PHACTR3: variants seen among roughly 807,000 people sequenced by gnomAD.
PHACTR3 encodes protein phosphatase 1, regulatory subunit 123.
PHACTR3 carries 16 observed loss-of-function variants against 66.8 expected under a neutral mutation model. The observed-to-expected ratio is 0.24, with a 90% CI of 0.16 to 0.36. The LOEUF (loss-of-function observed/expected upper bound fraction) is 0.36, where lower values mean the gene tolerates loss of function less well. Among genes scored for constraint, PHACTR3 ranks in the 10% least tolerant of loss-of-function variants. The pLI is 1.00. For missense variants in PHACTR3, 647 were observed against 719.9 expected (o/e 0.90, Z 1.16); for synonymous variants, 323 against 292.1 (o/e 1.11, Z -1.08).
At position 59,815,177 on chromosome 20, in the gene PHACTR3, A is replaced by T. The variant is rs946800269; in HGVS notation, c.1328+8983A>T. Among the ~76,000 whole-genome samples, 4 of 152,272 alleles carry T rather than the reference A, an allele frequency of 2.6e-5. No homozygotes were observed. In the East Asian group the frequency reaches 7.7e-4, roughly 29 times the overall value. ...CTCCCAGTGTGGTGTACACATGAGGAGGGACCTCATCGGGGGGAATTTGGC... is the reference window on the plus strand; with the variant it reads ...CTCCCAGTGTGGTGTACACATGAGGTGGGACCTCATCGGGGGGAATTTGGC... On this transcript the variant is annotated intron_variant, in intron 8 of 12. Coordinates refer to ENST00000371015, the MANE Select transcript of PHACTR3 (RefSeq NM_080672.5).
chr20:59,622,904 GCTAATATGTAATC>G (rs1429387173), intron 1 of PHACTR3, among the ~76,000 whole-genome samples: 2 of 142,682 alleles, frequency 1.4e-5, no homozygotes, highest in Non-Finnish European at 3.0e-5. Flanking sequence ...AAACCCCTGG[GCTAATATGTAATC>G]CCATTGTGAA....
chr20:59,702,163 AT>A (rs1227955935), intron 1 of PHACTR3, among the ~76,000 whole-genome samples: 2 of 151,978 alleles, frequency 1.3e-5, no homozygotes, highest in Admixed American at 1.3e-4. Flanking sequence ...ATTTTTCAGT[AT>A]TTTCCAAATG....
intron 1 of PHACTR3, among the ~76,000 whole-genome samples, chr20:59,614,990 G>C (rs957925338): frequency 6.6e-6 from 1 of 152,032 alleles, no homozygotes; most frequent in Non-Finnish European, 1.5e-5. Flanking sequence ...TGACCTCCAC[G>C]GTGTCAGGAC....
intron 1 of PHACTR3, among the ~76,000 whole-genome samples, chr20:59,666,413 G>A (rs1375173945): frequency 6.6e-6 from 1 of 152,194 alleles, no homozygotes; most frequent in Non-Finnish European, 1.5e-5. Flanking sequence ...CACAGGGCTG[G>A]AATGTCAGGT....
At chr20:59,628,819 T>C in intron 1 of PHACTR3, 1 of 982,374 alleles carries the variant, frequency 1.0e-6, no homozygotes, top group Non-Finnish European at 1.2e-6. Context: ...CCACGGAGGT[T>C]AGATCTTGTT....
intron 7 of PHACTR3, among the ~76,000 whole-genome samples, chr20:59,800,697 T>C (rs1480983295): frequency 6.6e-6 from 1 of 152,252 alleles, no homozygotes; most frequent in African/African-American, 2.4e-5. Flanking sequence ...GCAGGCATGG[T>C]AATTTTTTAT....
At chr20:59,643,945 C>T (rs1446852071) in intron 1 of PHACTR3, among the ~76,000 whole-genome samples, 1 of 152,178 alleles carries the variant, frequency 6.6e-6, no homozygotes, top group African/African-American at 2.4e-5. Flanking sequence ...GAGAACACTA[C>T]TGACTGTGTT....
At chr20:59,766,406 T>A (rs1376703169) in intron 4 of PHACTR3, among the ~76,000 whole-genome samples, 1 of 152,182 alleles carries the variant, frequency 6.6e-6, no homozygotes, top group Non-Finnish European at 1.5e-5. Flanking sequence ...GGCAAAGGAC[T>A]TAGGGACTGT....
At chr20:59,618,559 A>G (rs1026459240) in intron 1 of PHACTR3, among the ~76,000 whole-genome samples, 1 of 152,208 alleles carries the variant, frequency 6.6e-6, no homozygotes, top group Admixed American at 6.5e-5. Context: ...AGATCTGTGC[A>G]GGAGAGGAGG....
At chr20:59,597,471 A>C (rs2033357675) in intron 1 of PHACTR3, among the ~76,000 whole-genome samples, 1 of 152,200 alleles carries the variant, frequency 6.6e-6, no homozygotes, top group Non-Finnish European at 1.5e-5. Flanking sequence ...AGCTGAGGAC[A>C]TGGGATCCAG....
intron 1 of PHACTR3, among the ~76,000 whole-genome samples, chr20:59,641,235 T>C (rs2035090494): frequency 6.6e-6 from 1 of 152,142 alleles, no homozygotes; most frequent in African/African-American, 2.4e-5. Context: ...TATGTATGCA[T>C]GTATGTATGT....
intron 1 of PHACTR3, among the ~76,000 whole-genome samples, chr20:59,711,085 G>A (rs1387935464): frequency 6.6e-6 from 1 of 151,802 alleles, no homozygotes; most frequent in African/African-American, 2.4e-5. Context: ...ATGCCATATT[G>A]TATATATAAT....
intron 8 of PHACTR3, among the ~76,000 whole-genome samples, chr20:59,807,730 G>A (rs545145332): frequency 1.4e-4 from 22 of 152,232 alleles, no homozygotes; most frequent in African/African-American, 4.8e-4. Flanking sequence ...ACAATGTCAC[G>A]AGGCATAAGG....
At chr20:59,754,599 G>A (rs576386980) in intron 3 of PHACTR3, among the ~76,000 whole-genome samples, 23 of 152,328 alleles carry the variant, frequency 1.5e-4, no homozygotes, top group African/African-American at 5.1e-4. Context: ...GCAGAGGTGA[G>A]TTGGTTCTCT....
intron 7 of PHACTR3, among the ~76,000 whole-genome samples, chr20:59,778,626 C>A (rs1330039179): frequency 6.6e-6 from 1 of 152,220 alleles, no homozygotes; most frequent in Non-Finnish European, 1.5e-5. Context: ...CTCCGCGAGA[C>A]CAAGTCTTCG....
At position 59,785,201 on chromosome 20, in the gene PHACTR3, G is replaced by A. The variant is rs945811978; in HGVS notation, c.1174+10711G>A. On this transcript the variant is annotated intron_variant, in intron 7 of 12. Coordinates refer to ENST00000371015, the MANE Select transcript of PHACTR3 (RefSeq NM_080672.5). ...CTGGAGGCTGAAAGTCCAAGAACAA[G>A]GTGATTTCCAGTGAGGCCTCTCTCT... Among the ~76,000 whole-genome samples, 9 of 152,158 alleles carry A rather than the reference G, an allele frequency of 5.9e-5. No homozygotes were observed. The South Asian group carries it at 1.0e-3, about 18-fold the overall frequency.
At chr20:59,810,960 C>G (rs1392774420) in intron 8 of PHACTR3, among the ~76,000 whole-genome samples, 1 of 152,238 alleles carries the variant, frequency 6.6e-6, no homozygotes, top group Non-Finnish European at 1.5e-5. Flanking sequence ...CTAAGGAGAG[C>G]AGTGGGAAGC....
At chr20:59,604,370 C>G (rs1043959596), upstream of PHACTR3, among the ~76,000 whole-genome samples, 5 of 152,016 alleles carry the variant, frequency 3.3e-5, no homozygotes, top group African/African-American at 1.2e-4. Flanking sequence ...GGCTCCTAAC[C>G]CGGGGTCCAG....
chr20:59,773,238 C>T, intron 5 of PHACTR3, 41 bp from the exon 6 acceptor site: 1 of 1,588,988 alleles, frequency 6.3e-7, no homozygotes, highest in Non-Finnish European at 8.6e-7. Flanking sequence ...GGTCCCAGCT[C>T]CTGAAGACCT....
Sources: gnomAD v4.1 joint callset for allele counts (sites outside exome capture counted in the v4.1 genomes callset) on GRCh38, gnomAD v4.1.1 for gene constraint, MANE v1.5 for transcripts, NCBI Gene and HGNC (gene_info 2026-07-23, HGNC 2026-07-21) for gene names.